PGPEP1: variants seen among roughly 807,000 people sequenced by gnomAD.
PGPEP1 encodes the protein pyroglutamyl-peptidase 1.
PGPEP1 carries 15 observed loss-of-function variants against 24.1 expected under a neutral mutation model. That is an observed-to-expected ratio of 0.62 (90% CI 0.42 to 0.96). The LOEUF (loss-of-function observed/expected upper bound fraction) is 0.96, where lower values mean the gene tolerates loss of function less well. Ranked by LOEUF, PGPEP1 falls within the 40% of genes least tolerant of loss-of-function variation. PGPEP1 has a pLI of 0.00. For missense variants in PGPEP1, 242 were observed against 273.4 expected, an observed-to-expected ratio of 0.89 and a Z score of 0.81; for synonymous variants, 122 against 116.4, an observed-to-expected ratio of 1.05 and a Z score of -0.31.
At chr19:18,355,321 C>T (rs1010421267) in intron 2 of PGPEP1, among the ~76,000 whole-genome samples, 9 of 151,298 alleles carry the variant, frequency 5.9e-5, no homozygotes, top group South Asian at 2.1e-4. Context: ...AGTGCAGTTA[C>T]GTGATCTTGG....
chr19:18,340,903 A>G (rs1170970818), intron 1 of PGPEP1, among the ~76,000 whole-genome samples, 188 bp downstream of exon 1: 1 of 152,050 alleles, frequency 6.6e-6, no homozygotes, highest in Non-Finnish European at 1.5e-5. Flanking sequence ...TGGGGGTCCC[A>G]GGGTCGGGAG....
At position 18,357,691 on chromosome 19, in the gene PGPEP1, C is replaced by T. The variant is rs117641542; in HGVS notation, c.437+76C>T. 6.1e-3 allele frequency: 6,642 copies of T among 1,084,906 alleles called. 37 individuals carry two copies. The highest frequency in any genetic ancestry group is 0.023 in the Middle Eastern group (107 of 4,684). 67.2% of individuals were successfully genotyped at this position (1,084,906 alleles called of 1,614,324 possible). A position where few individuals can be genotyped will look rare whatever the true frequency, so the allele number is the denominator to read the frequency against. On this transcript the variant is annotated intron_variant, in intron 4 of 4. Transcript: ENST00000269919. The stretch of plus-strand genomic sequence containing the variant: ...TGAGCCTGGTGTAGAACAAGCCAAG[C>T]GTGTTGACCTTGGCCTCTTTGGACC...
At position 18,364,162 on chromosome 19, in the gene PGPEP1, T is replaced by C. The variant is rs1409840806; in HGVS notation, c.*579T>C. 1 of 139,212 alleles carries C rather than the reference T, an allele frequency of 7.2e-6. No homozygotes were observed. Among genetic ancestry groups the C allele is most frequent in the African/African-American group, 2.5e-5 (1 of 40,530 alleles). The allele number at this position is 139,212 out of a possible 1,614,324, so 8.6% of individuals were successfully genotyped here. A position where few individuals can be genotyped will look rare whatever the true frequency, so the allele number is the denominator to read the frequency against. The stretch of plus-strand genomic sequence containing the variant: ...TTTCTTCTCTCTCTCTCTTTTTTTT[T>C]TTTTTTAAATAGTGCTAGTTTGGGC... On this transcript the variant is annotated 3_prime_UTR_variant, in exon 5 of 5. Coordinates refer to ENST00000269919, the MANE Select transcript of PGPEP1 (RefSeq NM_017712.4).
Position 18,369,689 on chromosome 19 carries a change from C to G in PGPEP1, c.*6106C>G, listed in dbSNP as rs1971652291. 1 of 152,092 alleles carries G rather than the reference C, an allele frequency of 6.6e-6. No individual in the cohort carries two copies. The highest frequency in any genetic ancestry group is 1.5e-5 in the Non-Finnish European group (1 of 68,012). 9.4% of individuals were successfully genotyped at this position (152,092 alleles called of 1,614,324 possible). ...CTAACATCTCAGGTTTTTATCTTGTCTTAAATTTCTTTCTAGGAAAAAACC... is the reference window on the plus strand; with the variant it reads ...CTAACATCTCAGGTTTTTATCTTGTGTTAAATTTCTTTCTAGGAAAAAACC... On this transcript the variant is annotated 3_prime_UTR_variant, in exon 5 of 5. Transcript: ENST00000269919.
At chr19:18,347,002 G>T (rs1970868378) in intron 2 of PGPEP1, among the ~76,000 whole-genome samples, 1 of 151,144 alleles carries the variant, frequency 6.6e-6, no homozygotes, top group Non-Finnish European at 1.5e-5. Flanking sequence ...CTCTCTCTGG[G>T]TTTCTCTGTT....
At chr19:18,355,423 G>C (rs1262927045) in intron 2 of PGPEP1, among the ~76,000 whole-genome samples, 3 of 152,010 alleles carry the variant, frequency 2.0e-5, no homozygotes, top group South Asian at 2.1e-4. Context: ...ACTGCACCCA[G>C]CTAATTCTTG....
intron 4 of PGPEP1, among the ~76,000 whole-genome samples, chr19:18,362,601 G>T (rs1015543914): frequency 3.4e-5 from 5 of 146,568 alleles, no homozygotes; most frequent in African/African-American, 1.0e-4. Flanking sequence ...TGTGGCCCAC[G>T]CCCGTAATCC....
At chr19:18,344,590 C>CTTTTTTTTTTT (rs35966838) in intron 2 of PGPEP1, among the ~76,000 whole-genome samples, 1 of 141,136 alleles carries the variant, frequency 7.1e-6, no homozygotes, top group Non-Finnish European at 1.5e-5. Context: ...GGCTGTTTCC[C>CTTTTTTTTTTT]TTTTTTTTTT....
At chr19:18,363,279 T>C (rs535324850) in intron 4 of PGPEP1, 112 bp from the exon 5 acceptor site, 1 of 767,884 alleles carries the variant, frequency 1.3e-6, no homozygotes, top group Non-Finnish European at 2.1e-6. Flanking sequence ...ATCTTGTGGG[T>C]TGCTGGTAAG....
In PGPEP1 at chr19:18,364,003, C is replaced by T. The variant is rs145843082; in HGVS notation, c.*420C>T. The T allele has an allele frequency of 3.9e-3, 653 of 169,296 alleles. 1 individual carries two copies. Among genetic ancestry groups the T allele is most frequent in the Admixed American group, 7.3e-3 (128 of 17,546 alleles). 10.5% of individuals were successfully genotyped at this position (169,296 alleles called of 1,614,324 possible). ...TGGCTTTTACCAAATTTAAAAGCCT[C>T]TCAATGCGTCCTCGACCTTGAACTG... On this transcript the variant is annotated 3_prime_UTR_variant, in exon 5 of 5. Coordinates refer to ENST00000269919, the MANE Select transcript of PGPEP1 (RefSeq NM_017712.4).
chr19:18,365,009 G>A lies in PGPEP1; in HGVS notation c.*1426G>A, dbSNP rs1359981258. On this transcript the variant is annotated 3_prime_UTR_variant, in exon 5 of 5. Transcript: ENST00000269919. ...GCTCTGCATGTCCCGGCATGTCTGAGCAGGAGGAATTCCGGGCGGCCAAAG... is the reference window on the plus strand; with the variant it reads ...GCTCTGCATGTCCCGGCATGTCTGAACAGGAGGAATTCCGGGCGGCCAAAG... The A allele has an allele frequency of 6.6e-6, 1 of 152,076 alleles. No individual in the cohort carries two copies. Among genetic ancestry groups the A allele is most frequent in the East Asian group, 1.9e-4 (1 of 5,184 alleles). The allele number at this position is 152,076 out of a possible 1,614,324, so 9.4% of individuals were successfully genotyped here. A position where few individuals can be genotyped will look rare whatever the true frequency, so the allele number is the denominator to read the frequency against.
Position 18,363,411 on chromosome 19 carries a change from A to G in PGPEP1, c.458A>G (p.Tyr153Cys). Residue 153 changes from tyrosine to cysteine, a missense_variant, in exon 5 of 5, where the codon TAC becomes TGC. Coordinates refer to ENST00000269919, the MANE Select transcript of PGPEP1 (RefSeq NM_017712.4). ...DAGRYLCDFTYYTSLYQSHGR... is the reference protein window; with the variant it reads ...DAGRYLCDFTCYTSLYQSHGR... ...CTTAGATATCTCTGCGACTTTACCT[A>G]CTACACCTCTTTGTACCAGAGTCAC... is the stretch of plus-strand genomic sequence containing the variant. 12 of 1,611,498 alleles carry G rather than the reference A, an allele frequency of 7.4e-6. No homozygotes were observed. The highest frequency in any genetic ancestry group is 1.0e-5 in the Non-Finnish European group (12 of 1,177,982).
chr19:18,346,538 A>G (rs926177097), intron 2 of PGPEP1, among the ~76,000 whole-genome samples: 3 of 145,316 alleles, frequency 2.1e-5, no homozygotes, highest in Non-Finnish European at 4.5e-5. Context: ...CCTTTCTTCT[A>G]TCTGTTCATA....
intron 1 of PGPEP1, 30 bp downstream of exon 1, chr19:18,340,745 A>C: frequency 6.9e-7 from 1 of 1,446,386 alleles, no homozygotes; most frequent in Non-Finnish European, 9.2e-7. Flanking sequence ...CTGTAGCGGC[A>C]GCGGCCGGGG....
intron 4 of PGPEP1, 131 bp from the exon 5 acceptor site, chr19:18,363,260 T>G: frequency 6.3e-6 from 4 of 629,944 alleles, no homozygotes; most frequent in Admixed American, 5.9e-5. Context: ...GGGAGGAGAG[T>G]GTTGTTCCAT....
At chr19:18,346,514 C>G (rs1020424225) in intron 2 of PGPEP1, among the ~76,000 whole-genome samples, 2 of 151,926 alleles carry the variant, frequency 1.3e-5, no homozygotes, top group Non-Finnish European at 2.9e-5. Flanking sequence ...CTCTGGGTCT[C>G]TCTCTGTCTC....
chr19:18,345,665 G>T (rs1283946435), intron 2 of PGPEP1, among the ~76,000 whole-genome samples: 2 of 147,566 alleles, frequency 1.4e-5, no homozygotes, highest in African/African-American at 5.1e-5. Context: ...GGTAGAGGCT[G>T]CAGTGAGCCC....
chr19:18,360,813 C>A lies in PGPEP1; in HGVS notation c.438-2578C>A, dbSNP rs567467538. ...GTGCTGGGATTACAGGCATGAGCCACCGCGCCTGGCCTAATTTTATTTTAT... is the reference window on the plus strand; with the variant it reads ...GTGCTGGGATTACAGGCATGAGCCAACGCGCCTGGCCTAATTTTATTTTAT... On this transcript the variant is annotated intron_variant, in intron 4 of 4. Transcript: ENST00000269919. 1.5e-3 allele frequency among the ~76,000 whole-genome samples: 225 copies of A among 152,022 alleles called. 1 individual carries two copies. The highest frequency in any genetic ancestry group is 3.4e-3 in the Middle Eastern group (1 of 294).
chr19:18,343,279 C>T (rs572202741), intron 2 of PGPEP1, among the ~76,000 whole-genome samples: 6 of 152,226 alleles, frequency 3.9e-5, no homozygotes, highest in Admixed American at 2.0e-4. Flanking sequence ...GAATTACAGG[C>T]GTGAGCCACT....
Sources: allele counts gnomAD v4.1 joint callset (sites outside exome capture counted in the v4.1 genomes callset), GRCh38; gene constraint gnomAD v4.1.1; transcripts MANE v1.5; gene names NCBI Gene and HGNC (gene_info 2026-07-23, HGNC 2026-07-21).